Variants in KLRG1 observed in about 807,000 individuals in gnomAD.
The protein encoded by KLRG1 is killer cell lectin-like receptor subfamily G member 1.
In KLRG1, 16 loss-of-function variants were observed where a neutral mutation model predicts 21.8. The observed-to-expected ratio is 0.73, with a 90% CI of 0.50 to 1.11. The LOEUF is 1.11. KLRG1 is among the 50% of genes most tolerant of loss of function. The probability of loss-of-function intolerance (pLI) is 0.00; values close to 1 mark genes in which losing one functional copy is unlikely to be tolerated. For missense variants in KLRG1, 173 were observed against 218.3 expected (o/e 0.79, Z 1.31); for synonymous variants, 69 against 75.9 (o/e 0.91, Z 0.47).
the KLRG1 span, among the ~76,000 whole-genome samples, chr12:9,061,023 G>A: frequency 6.6e-6 from 1 of 151,982 alleles, no homozygotes; most frequent in Non-Finnish European, 1.5e-5. Context: ...TTTTTCATCC[G>A]AGAAGCTAGG....
At chr12:8,964,467 G>A (rs893644657) in intron 1 of KLRG1, among the ~76,000 whole-genome samples, 7 of 151,976 alleles carry the variant, frequency 4.6e-5, no homozygotes, top group Non-Finnish European at 1.0e-4. Flanking sequence ...TATGTGGTCA[G>A]TTTTGGAGTA....
chr12:9,170,782 G>A, the KLRG1 span, among the ~76,000 whole-genome samples: 25 of 152,334 alleles, frequency 1.6e-4, 2 homozygotes, highest in African/African-American at 5.3e-4. The surrounding 1 kb of genome is among the most constrained non-coding windows in gnomAD (Gnocchi z 4.6). Flanking sequence ...TCCTCATCGA[G>A]TGGGACCTTT....
the KLRG1 span, chr12:9,203,696 C>G: frequency 6.5e-7 from 1 of 1,544,688 alleles, no homozygotes; most frequent in Non-Finnish European, 8.9e-7. Flanking sequence ...CACCAGAGCT[C>G]CATCACCATG....
chr12:9,145,189 G>A, the KLRG1 span, among the ~76,000 whole-genome samples: 7 of 152,156 alleles, frequency 4.6e-5, no homozygotes, highest in Non-Finnish European at 1.0e-4. Context: ...GTTGATAGGG[G>A]AAGATTTATT....
the KLRG1 span, among the ~76,000 whole-genome samples, chr12:9,212,110 T>A: frequency 6.6e-6 from 1 of 152,180 alleles, no homozygotes; most frequent in Admixed American, 6.5e-5. Context: ...TGGTCCAGAT[T>A]GCAGCTGAGA....
At chr12:8,967,800 G>A (rs992413987) in intron 1 of KLRG1, among the ~76,000 whole-genome samples, 5 of 152,046 alleles carry the variant, frequency 3.3e-5, no homozygotes, top group East Asian at 1.9e-4. Flanking sequence ...GTATGAAAAC[G>A]GCCAGGGAAA....
chr12:9,083,386 TA>T, the KLRG1 span, among the ~76,000 whole-genome samples: 39 of 141,448 alleles, frequency 2.8e-4, no homozygotes, highest in African/African-American at 7.5e-4. Flanking sequence ...ACTTAAAGTA[TA>T]AAAAAAAAAG....
At chr12:9,124,229 G>A in the KLRG1 span, among the ~76,000 whole-genome samples, 1 of 151,706 alleles carries the variant, frequency 6.6e-6, no homozygotes, top group Non-Finnish European at 1.5e-5. Flanking sequence ...TGCCAAAGAT[G>A]GGATACCATT....
the KLRG1 span, chr12:9,112,504 C>T: frequency 6.2e-7 from 1 of 1,613,762 alleles, no homozygotes; most frequent in Non-Finnish European, 8.5e-7. Context: ...CAGTGAGGAA[C>T]ATTACCTCCT....
the KLRG1 span, chr12:9,090,075 C>T: frequency 6.4e-7 from 1 of 1,557,488 alleles, no homozygotes; most frequent in Non-Finnish European, 8.7e-7. Context: ...TCCTCCATGC[C>T]TCCAAACTCA....
the KLRG1 span, among the ~76,000 whole-genome samples, chr12:9,094,044 G>C: frequency 6.6e-6 from 1 of 152,106 alleles, no homozygotes; most frequent in African/African-American, 2.4e-5. Context: ...GGAGTCCTAT[G>C]TGGCTGCTGC....
intron 3 of KLRG1, among the ~76,000 whole-genome samples, chr12:9,008,415 T>C (rs1947538433): frequency 6.6e-6 from 1 of 152,250 alleles, no homozygotes; most frequent in Non-Finnish European, 1.5e-5. Context: ...GCTGCTCCTC[T>C]CTACAGCTAA....
chr12:9,085,108 A>G, the KLRG1 span, among the ~76,000 whole-genome samples: 1 of 152,110 alleles, frequency 6.6e-6, no homozygotes, highest in Non-Finnish European at 1.5e-5. Flanking sequence ...CACTTTTAAA[A>G]ATGGATAGAT....
chr12:9,079,654 C>T, the KLRG1 span: 1 of 1,613,260 alleles, frequency 6.2e-7, no homozygotes, highest in Non-Finnish European at 8.5e-7. Flanking sequence ...TTGAGATAGC[C>T]AATGGCCTTG....
the KLRG1 span, among the ~76,000 whole-genome samples, chr12:9,063,979 G>C: frequency 1.4e-4 from 22 of 152,256 alleles, no homozygotes; most frequent in African/African-American, 5.3e-4. Flanking sequence ...AGAACCAAGA[G>C]GTAAAATTAT....
At chr12:9,130,468 GTT>G in the KLRG1 span, among the ~76,000 whole-genome samples, 4 of 147,156 alleles carry the variant, frequency 2.7e-5, no homozygotes, top group Admixed American at 2.0e-4. Flanking sequence ...GTTACTTTCT[GTT>G]TTTTTTTTAT....
chr12:9,135,535 G>A, the KLRG1 span: 2 of 351,344 alleles, frequency 5.7e-6, no homozygotes, highest in South Asian at 5.7e-5. Context: ...CTGTAAGGAC[G>A]AATTTCTCTT....
At chr12:9,028,711 G>T in the KLRG1 span, 1 of 486,234 alleles carries the variant, frequency 2.1e-6, no homozygotes, top group Admixed American at 2.4e-5. Flanking sequence ...CAAAGTGCTG[G>T]GATTACAGGC....
chr12:8,970,711 A>C (rs1946552532), intron 1 of KLRG1, among the ~76,000 whole-genome samples: 2 of 152,196 alleles, frequency 1.3e-5, no homozygotes, highest in South Asian at 4.1e-4. Flanking sequence ...ATAACATTCA[A>C]TATTTCACCT....
Sources: gnomAD v4.1 joint callset for allele counts (sites outside exome capture counted in the v4.1 genomes callset) on GRCh38, gnomAD v4.1.1 for gene constraint, Gnocchi (gnomAD v3.1) non-coding constraint, MANE v1.5 for transcripts, NCBI Gene and HGNC (gene_info 2026-07-23, HGNC 2026-07-21) for gene names.